Variants in TNFRSF11A observed in about 807,000 individuals in gnomAD.
TNFRSF11A encodes TNF receptor superfamily member 11a.
Under a neutral mutation model 55.7 loss-of-function variants are expected in TNFRSF11A, and 32 were observed. The observed-to-expected ratio is 0.57, with a 90% CI of 0.43 to 0.77. The LOEUF (loss-of-function observed/expected upper bound fraction) is 0.77. Among genes scored for constraint, TNFRSF11A ranks in the 30% least tolerant of loss-of-function variants. TNFRSF11A has a pLI of 0.00. For missense variants in TNFRSF11A, 753 were observed against 809.8 expected (o/e 0.93, Z 0.85); for synonymous variants, 311 against 331.0 (o/e 0.94, Z 0.65).
In TNFRSF11A at chr18:62,325,375, G is replaced by A. The variant is rs1353774354; in HGVS notation, c.23G>A (p.Arg8His). 1.9e-6 allele frequency: 2 copies of A among 1,062,126 alleles called. No homozygotes were observed. The highest frequency in any genetic ancestry group is 2.3e-6 in the Non-Finnish European group (2 of 882,530). 65.8% of individuals were successfully genotyped at this position (1,062,126 alleles called of 1,614,324 possible). Residue 8 changes from arginine to histidine, a missense_variant, in exon 1 of 10, where the codon CGC becomes CAC. Transcript: ENST00000586569. This position sits in a 1 kb window ranked among gnomAD's most constrained non-coding sequence, Gnocchi z 4.7. ...GCCATGGCCCCGCGCGCCCGGCGGC[G>A]CCGCCCGCTGTTCGCGCTGCTGCTG... MAPRARRRRPLFALLLLC... is the reference protein window; with the variant it reads MAPRARRHRPLFALLLLC...
rs1283279363 is a variant in TNFRSF11A, at chr18:62,386,061, G to C, written c.*1027G>C. 1.3e-5 allele frequency: 2 copies of C among 152,192 alleles called. No homozygotes were observed. The highest frequency in any genetic ancestry group is 2.9e-5 in the Non-Finnish European group (2 of 68,028). The allele number at this position is 152,192 out of a possible 1,614,324, so 9.4% of individuals were successfully genotyped here. On this transcript the variant is annotated 3_prime_UTR_variant, in exon 10 of 10. Transcript: ENST00000586569. ...TTAAGCAGAACTAAGCTCAGTATGT[G>C]ACCTTACCCGCTAGGTGGTTAATTT...
intron 1 of TNFRSF11A, among the ~76,000 whole-genome samples, chr18:62,329,909 C>G (rs2046127562): frequency 6.6e-6 from 1 of 152,258 alleles, no homozygotes; most frequent in Non-Finnish European, 1.5e-5. Flanking sequence ...CAAAGCAGCC[C>G]CAGTCAGCAG....
rs2046437051 is a variant in TNFRSF11A, at chr18:62,349,718, A to G, written c.158-94A>G. On this transcript the variant is annotated intron_variant, in intron 2 of 9. Transcript: ENST00000586569. ...ATGGGCACCAATGATTATTGGTCCC[A>G]TAGATGGGTGCAATTTTTGTTGCTG... 5 of 1,463,552 alleles carry G rather than the reference A, an allele frequency of 3.4e-6. 1 individual carries two copies. Among genetic ancestry groups the G allele is most frequent in the East Asian group, 4.6e-5 (2 of 43,446 alleles). The allele number at this position is 1,463,552 out of a possible 1,614,324, so 90.7% of individuals were successfully genotyped here. A position where few individuals can be genotyped will look rare whatever the true frequency, so the allele number is the denominator to read the frequency against.
rs1268521426 is a variant in TNFRSF11A, at chr18:62,384,921, T to C, written c.1738T>C (p.Ser580Pro). ...GGAGGAGACCCTGGCGCGCCGAGAC[T>C]CCTTCGCGGGGAACGGCCCGCGCTT... ...VQEETLARRD[S>P]FAGNGPRFPD... is the part of the protein sequence containing the mutation. The change falls in exon 10 of 10, where the codon TCC (serine) becomes CCC (proline). Residue 580 changes from serine to proline, a missense_variant. By Grantham distance (74) the Ser-to-Pro change is moderately conservative. Transcript: ENST00000586569. The C allele has an allele frequency of 4.5e-6, 7 of 1,557,712 alleles. No individual in the cohort carries two copies. Among genetic ancestry groups the C allele is most frequent in the African/African-American group, 1.4e-5 (1 of 73,782 alleles).
chr18:62,345,948 A>G (rs1417658695), intron 1 of TNFRSF11A, among the ~76,000 whole-genome samples: 3 of 152,200 alleles, frequency 2.0e-5, no homozygotes, highest in African/African-American at 4.8e-5. Flanking sequence ...AATCGCAGCC[A>G]TACTCCTAAA....
intron 9 of TNFRSF11A, among the ~76,000 whole-genome samples, chr18:62,371,234 G>A (rs1215185715): frequency 6.6e-6 from 1 of 152,232 alleles, no homozygotes; most frequent in Non-Finnish European, 1.5e-5. Context: ...GTCTCTGGCA[G>A]CAGCCAGGTC....
Position 62,385,331 on chromosome 18 carries a change from T to A in TNFRSF11A, c.*297T>A. 3.6e-5 allele frequency: 7 copies of A among 195,026 alleles called. No individual in the cohort carries two copies. The highest frequency in any genetic ancestry group is 5.9e-5 in the Non-Finnish European group (6 of 102,068). 12.1% of individuals were successfully genotyped at this position (195,026 alleles called of 1,614,324 possible). On this transcript the variant is annotated 3_prime_UTR_variant, in exon 10 of 10. Transcript: ENST00000586569. ...GCACTATGACAGCTATTTTTATGAC[T>A]ATCCTGTTCTGTGGGGGGGGGGGTC...
chr18:62,361,798 T>C lies in TNFRSF11A; in HGVS notation c.730+5T>C, dbSNP rs765068128. On this transcript the variant is annotated splice_donor_5th_base_variant and intron_variant, in intron 7 of 9. Coordinates refer to ENST00000586569, the MANE Select transcript of TNFRSF11A (RefSeq NM_003839.4). ...AAAAAGGGAAAGCACTCACAGGTAT[T>C]GTGTCTATGGTGGTTTTTGCAAACC... The C allele has an allele frequency of 2.5e-6, 4 of 1,612,710 alleles. No individual in the cohort carries two copies. Among genetic ancestry groups the C allele is most frequent in the Non-Finnish European group, 3.4e-6 (4 of 1,178,682 alleles).
At chr18:62,368,245 C>G (rs1316565900) in intron 8 of TNFRSF11A, among the ~76,000 whole-genome samples, 1 of 152,178 alleles carries the variant, frequency 6.6e-6, no homozygotes, top group Non-Finnish European at 1.5e-5. Context: ...AAACCTGGCT[C>G]CTATTATTCT....
rs1368223639 is a variant in TNFRSF11A at position 62,372,489 on chromosome 18, TA to T, written c.1567+3006del. On this transcript the variant is annotated intron_variant, in intron 9 of 9. Coordinates refer to ENST00000586569, the MANE Select transcript of TNFRSF11A (RefSeq NM_003839.4). ...AGTTGGGGTGGTCTTTTTTTTTTTT[TA>T]TCTTTTAAAAATCATTTTGCTTTTT... 2.0e-5 allele frequency among the ~76,000 whole-genome samples: 3 copies of T among 151,654 alleles called. No individual in the cohort carries two copies. The East Asian group carries it at 5.8e-4, about 29-fold the overall frequency.
chr18:62,361,844 T>C, intron 7 of TNFRSF11A, 51 bp downstream of exon 7: 1 of 1,499,524 alleles, frequency 6.7e-7, no homozygotes. Flanking sequence ...GATAGATTTC[T>C]AGGTAAATGC....
chr18:62,348,223 G>A lies in TNFRSF11A; in HGVS notation c.131G>A (p.Gly44Glu). Residue 44 changes from glycine to glutamate, a missense_variant, in exon 2 of 10, where the codon GGA (glycine) becomes GAA (glutamate). Around this residue, in one of 3 missense-constraint regions of TNFRSF11A, gnomAD observed 156 missense variants for 155.1 expected, o/e 1.01. Coordinates refer to ENST00000586569, the MANE Select transcript of TNFRSF11A (RefSeq NM_003839.4). Reference protein sequence around the residue: ...CTSEKHYEHLGRCCNKCEPGK... With the variant: ...CTSEKHYEHLERCCNKCEPGK... The stretch of plus-strand genomic sequence containing the variant: ...AGTGAGAAGCATTATGAGCATCTGG[G>A]ACGGTGCTGTAACAAATGTGAACCA... 6.2e-7 allele frequency: 1 copy of A among 1,614,148 alleles called. No individual in the cohort carries two copies.
intron 7 of TNFRSF11A, 72 bp from the exon 8 acceptor site, chr18:62,366,636 T>C: frequency 1.3e-6 from 2 of 1,486,670 alleles, no homozygotes; most frequent in Middle Eastern, 1.7e-4. Flanking sequence ...ATATACATAA[T>C]AACCTTTATT....
At chr18:62,347,597 TTC>T (rs2046402191) in intron 1 of TNFRSF11A, among the ~76,000 whole-genome samples, 1 of 152,078 alleles carries the variant, frequency 6.6e-6, no homozygotes, top group African/African-American at 2.4e-5. Context: ...CTTTTTAAAA[TTC>T]TCTGTGTGTT....
At chr18:62,364,774 GCGTGTACTA>G in intron 7 of TNFRSF11A, among the ~76,000 whole-genome samples, 1 of 152,128 alleles carries the variant, frequency 6.6e-6, no homozygotes, top group African/African-American at 2.4e-5. Context: ...TATATATTTT[GCGTGTACTA>G]CGTACATCTT....
At chr18:62,380,909 C>T (rs1911240089) in intron 9 of TNFRSF11A, among the ~76,000 whole-genome samples, 12 of 150,192 alleles carry the variant, frequency 8.0e-5, no homozygotes, top group Admixed American at 8.0e-4. Flanking sequence ...CTCAGGTGAT[C>T]CTCCCACCTC....
chr18:62,365,149 G>A (rs1909986846), intron 7 of TNFRSF11A, among the ~76,000 whole-genome samples: 1 of 151,920 alleles, frequency 6.6e-6, no homozygotes, highest in African/African-American at 2.4e-5. Flanking sequence ...TTTTATAGAG[G>A]TGGGGTTTCA....
rs1327531654 is a variant in TNFRSF11A, at chr18:62,389,395, G to A, written c.*4361G>A. Reference sequence around the variant, plus strand: ...GCGGGGTCTAGGTGGGATCACTGAAGCCAAGCCAAGTGGTGCAGGGGGAGC... The same window carrying A: ...GCGGGGTCTAGGTGGGATCACTGAAACCAAGCCAAGTGGTGCAGGGGGAGC... On this transcript the variant is annotated 3_prime_UTR_variant, in exon 10 of 10. Coordinates refer to ENST00000586569, the MANE Select transcript of TNFRSF11A (RefSeq NM_003839.4). 2 of 152,380 alleles carry A rather than the reference G, an allele frequency of 1.3e-5. No homozygotes were observed. Among genetic ancestry groups the A allele is most frequent in the Non-Finnish European group, 2.9e-5 (2 of 68,174 alleles). 9.4% of individuals were successfully genotyped at this position (152,380 alleles called of 1,614,324 possible).
chr18:62,367,462 T>A (rs1479426205), intron 8 of TNFRSF11A: 1 of 154,062 alleles, frequency 6.5e-6, no homozygotes, highest in Admixed American at 6.4e-5. Context: ...AGACCTTCCA[T>A]ATACCCTAGA....
Sources: allele counts gnomAD v4.1 joint callset (sites outside exome capture counted in the v4.1 genomes callset), GRCh38; gene constraint gnomAD v4.1.1; regional missense constraint gnomAD v4.1.1; non-coding constraint Gnocchi (gnomAD v3.1); transcripts MANE v1.5; gene names NCBI Gene and HGNC (gene_info 2026-07-23, HGNC 2026-07-21).